The following NWD2 variants were observed in gnomAD, a reference collection of about 807,000 sequenced individuals.
The protein encoded by NWD2 is NACHT and WD repeat domain-containing protein 2.
NWD2 carries 37 observed loss-of-function variants against 132.7 expected under a neutral mutation model. That is an observed-to-expected ratio of 0.28 (90% CI 0.21 to 0.37). NWD2 has a LOEUF of 0.37. Ranked by LOEUF, NWD2 falls within the 10% of genes least tolerant of loss-of-function variation. NWD2 has a pLI of 1.00. For missense variants in NWD2, 1,592 were observed against 2,122.4 expected, an observed-to-expected ratio of 0.75 and a Z score of 4.91; for synonymous variants, 705 against 803.0, an observed-to-expected ratio of 0.88 and a Z score of 2.06.
chr4:37,423,744 A>G (rs73133775), intron 3 of NWD2, among the ~76,000 whole-genome samples: 3,815 of 151,718 alleles, frequency 0.025, 119 homozygotes, highest in African/African-American at 0.064. Context: ...ACCAGAAATA[A>G]TGTTAAGTCA....
chr4:37,293,267 T>C (rs1046352692), intron 1 of NWD2, among the ~76,000 whole-genome samples: 1 of 152,242 alleles, frequency 6.6e-6, no homozygotes, highest in African/African-American at 2.4e-5. Flanking sequence ...CGTGCTCTCC[T>C]GATTTATAGG....
Position 37,430,591 on chromosome 4 carries a change from A to C in NWD2, c.377A>C (p.Tyr126Ser). 1 of 1,551,570 alleles carries C rather than the reference A, an allele frequency of 6.4e-7. No homozygotes were observed. The change falls in exon 4 of 7, where the codon TAT (tyrosine) becomes TCT (serine). Residue 126 changes from tyrosine to serine, a missense_variant. Physicochemically the swap from Tyr to Ser is moderately radical, Grantham distance 144 (BLOSUM62 -2). Around this residue, in one of 7 missense-constraint regions of NWD2, gnomAD observed 144 missense variants for 185.7 expected, o/e 0.78. Transcript: ENST00000309447. ...PCFVGLLGEK[Y>S]GNIRIPGEVE... is the part of the protein sequence containing the mutation. ...ACACAGGGACTATTAGGTGAAAAATATGGGAATATCCGAATCCCTGGAGAA... is the reference window on the plus strand; with the variant it reads ...ACACAGGGACTATTAGGTGAAAAATCTGGGAATATCCGAATCCCTGGAGAA...
At chr4:37,270,587 A>G (rs933843567) in intron 1 of NWD2, among the ~76,000 whole-genome samples, 3 of 151,662 alleles carry the variant, frequency 2.0e-5, no homozygotes, top group African/African-American at 7.3e-5. Flanking sequence ...TCACGTTAGG[A>G]ACAATCATGA....
At chr4:37,293,885 T>TTA (rs1187021045) in intron 1 of NWD2, among the ~76,000 whole-genome samples, 45 of 146,616 alleles carry the variant, frequency 3.1e-4, no homozygotes, top group Admixed American at 2.4e-3. Context: ...ACACTGCATT[T>TTA]AAAAAAAAAA....
intron 3 of NWD2, among the ~76,000 whole-genome samples, chr4:37,424,599 G>A (rs1350911680): frequency 6.6e-6 from 1 of 152,220 alleles, no homozygotes; most frequent in African/African-American, 2.4e-5. Flanking sequence ...CATTTAAAGA[G>A]TATATGCTTC....
rs1395844610 is a variant in NWD2 at position 37,439,237 on chromosome 4, A to G, written c.1143A>G (p.Lys381=). 1.3e-6 allele frequency: 2 copies of G among 1,551,200 alleles called. No individual in the cohort carries two copies. The highest frequency in any genetic ancestry group is 1.2e-5 in the South Asian group (1 of 83,918). The change falls in exon 6 of 7, where the codon AAA becomes AAG. Residue 381 remains lysine (K), a synonymous_variant. Coordinates refer to ENST00000309447, the MANE Select transcript of NWD2 (RefSeq NM_001144990.2). This position sits in a 1 kb window ranked among gnomAD's most constrained non-coding sequence, Gnocchi z 4.5. ...TCCTTCAACATTCATCATTATGTAA[A>G]ACATACGCCTCCTTCTATGAGTACA... The part of the protein sequence containing the change: ...DEILQHSSLC[K]TYASFYEYKC...
intron 3 of NWD2, among the ~76,000 whole-genome samples, chr4:37,419,641 A>G (rs1577697585): frequency 6.6e-6 from 1 of 152,348 alleles, no homozygotes; most frequent in East Asian, 1.9e-4. Context: ...CCACTTGAAA[A>G]TATGACAAAA....
At chr4:37,400,233 G>A (rs1044255694) in intron 3 of NWD2, among the ~76,000 whole-genome samples, 1 of 152,204 alleles carries the variant, frequency 6.6e-6, no homozygotes, top group Non-Finnish European at 1.5e-5. Flanking sequence ...TGTATCTTAA[G>A]TAATGAAGAA....
At chr4:37,338,162 C>T (rs1719447407) in intron 2 of NWD2, among the ~76,000 whole-genome samples, 1 of 152,148 alleles carries the variant, frequency 6.6e-6, no homozygotes, top group Non-Finnish European at 1.5e-5. Context: ...CAGTATTTAC[C>T]AGATTTCATT....
At chr4:37,346,960 C>T (rs1314425816) in intron 2 of NWD2, among the ~76,000 whole-genome samples, 2 of 152,044 alleles carry the variant, frequency 1.3e-5, no homozygotes, top group East Asian at 3.9e-4. Context: ...TAGTTTATAG[C>T]TAGAAATTTT....
chr4:37,336,941 T>C (rs1389787179), intron 2 of NWD2, among the ~76,000 whole-genome samples: 2 of 83,994 alleles, frequency 2.4e-5, no homozygotes, highest in African/African-American at 8.5e-5. Flanking sequence ...TGAAACTCCA[T>C]CTCAAAAAAA....
intron 2 of NWD2, among the ~76,000 whole-genome samples, chr4:37,348,637 CATATATATATATATAT>C (rs370439742): frequency 1.2e-3 from 32 of 26,554 alleles, no homozygotes; most frequent in Admixed American, 4.6e-3. Context: ...GTGGTTAATT[CATATATATATATATAT>C]ATATATATAT....
chr4:37,271,103 G>T (rs1577650503), intron 1 of NWD2, among the ~76,000 whole-genome samples: 1 of 151,668 alleles, frequency 6.6e-6, no homozygotes, highest in Non-Finnish European at 1.5e-5. Context: ...TGGTCAATTG[G>T]TCTATCCTTA....
chr4:37,274,121 A>C (rs2109264785), intron 1 of NWD2, among the ~76,000 whole-genome samples: 1 of 152,258 alleles, frequency 6.6e-6, no homozygotes, highest in African/African-American at 2.4e-5. Flanking sequence ...AAAACCCTTC[A>C]AAAAATCAAT....
At chr4:37,292,344 A>G (rs1361943072) in intron 1 of NWD2, among the ~76,000 whole-genome samples, 1 of 152,118 alleles carries the variant, frequency 6.6e-6, no homozygotes, top group East Asian at 1.9e-4. Context: ...TAGTGACCTT[A>G]TGAAAAAAGG....
At chr4:37,396,629 C>T (rs908858204) in intron 3 of NWD2, among the ~76,000 whole-genome samples, 4 of 152,210 alleles carry the variant, frequency 2.6e-5, no homozygotes, top group African/African-American at 9.6e-5. Flanking sequence ...CTATAAGCTT[C>T]TTCAGCTCAA....
intron 1 of NWD2, among the ~76,000 whole-genome samples, chr4:37,282,783 A>G (rs1053287982): frequency 3.3e-5 from 5 of 152,186 alleles, no homozygotes; most frequent in Non-Finnish European, 7.3e-5. Context: ...TAACCTCTCA[A>G]TGCTCCCATT....
intron 2 of NWD2, among the ~76,000 whole-genome samples, chr4:37,346,465 T>G (rs928435763): frequency 6.6e-6 from 1 of 152,238 alleles, no homozygotes; most frequent in Admixed American, 6.5e-5. Context: ...AACTTTATTC[T>G]TCTTTTGTAA....
At chr4:37,350,559 C>T (rs1286936637) in intron 2 of NWD2, among the ~76,000 whole-genome samples, 1 of 152,158 alleles carries the variant, frequency 6.6e-6, no homozygotes, top group African/African-American at 2.4e-5. Flanking sequence ...GCTGAAGTTG[C>T]TTATCAGCTT....
Sources: allele counts gnomAD v4.1 joint callset (sites outside exome capture counted in the v4.1 genomes callset), GRCh38; gene constraint gnomAD v4.1.1; regional missense constraint gnomAD v4.1.1; non-coding constraint Gnocchi (gnomAD v3.1); transcripts MANE v1.5; gene names NCBI Gene and HGNC (gene_info 2026-07-23, HGNC 2026-07-21).